The following WDR20 variants were observed in gnomAD, a reference collection of about 807,000 sequenced individuals.
The protein encoded by WDR20 is WD repeat-containing protein 20.
Under a neutral mutation model 38.7 loss-of-function variants are expected in WDR20, and 3 were observed. The ratio of observed to expected loss-of-function variants is 0.08; its 90% confidence interval spans 0.04 to 0.20. The LOEUF is 0.20. WDR20 is among the 10% of genes least tolerant of loss of function. WDR20 has a pLI of 1.00. For missense variants in WDR20, 559 were observed against 727.7 expected (o/e 0.77, Z 2.67); for synonymous variants, 298 against 285.6 (o/e 1.04, Z -0.44).
At chr14:102,141,838 T>C (rs936929739) in intron 1 of WDR20, among the ~76,000 whole-genome samples, 8 of 152,178 alleles carry the variant, frequency 5.3e-5, no homozygotes, top group Non-Finnish European at 1.0e-4. Context: ...TAAAAATTTA[T>C]ATTTATATAA....
chr14:102,200,467 T>TTTTTTTGTGTGTG (rs748066838), intron 2 of WDR20, among the ~76,000 whole-genome samples: 36 of 117,758 alleles, frequency 3.1e-4, no homozygotes, highest in African/African-American at 1.1e-3. Context: ...ATTTTTTTTT[T>TTTTTTTGTGTGTG]TGTGTGTGTG....
At chr14:102,195,731 C>T (rs1431482584) in intron 2 of WDR20, 1 of 152,336 alleles carries the variant, frequency 6.6e-6, no homozygotes, top group East Asian at 1.9e-4. Flanking sequence ...GATATCTGAG[C>T]TGTCTGTTCA....
chr14:102,223,018 G>T (rs1410493434), exon 4 of WDR20: 4 of 1,036,548 alleles, frequency 3.9e-6, no homozygotes, highest in Non-Finnish European at 4.4e-6. Flanking sequence ...CGTGTGGACG[G>T]TGACCGGCTC....
At chr14:102,172,008 CA>C (rs755172538) in intron 1 of WDR20, among the ~76,000 whole-genome samples, 1 of 150,554 alleles carries the variant, frequency 6.6e-6, no homozygotes, top group Non-Finnish European at 1.5e-5. Context: ...AGCAGATAAA[CA>C]AGTGAACAAA....
At chr14:102,139,665 A>T (rs1402470196), upstream of WDR20, 10 of 651,936 alleles carry the variant, frequency 1.5e-5, no homozygotes, top group Non-Finnish European at 2.6e-5. Context: ...GGAAGCAGCC[A>T]TGCCGCCCGG....
chr14:102,187,415 G>A (rs1286178302), intron 1 of WDR20, among the ~76,000 whole-genome samples: 1 of 152,046 alleles, frequency 6.6e-6, no homozygotes, highest in South Asian at 2.1e-4. Flanking sequence ...AGGCTGGGGG[G>A]GGGCTCAGGA....
intron 1 of WDR20, among the ~76,000 whole-genome samples, chr14:102,142,662 C>T (rs951441396): frequency 2.0e-5 from 3 of 151,838 alleles, no homozygotes; most frequent in African/African-American, 4.8e-5. Flanking sequence ...TGCCGTGTTG[C>T]CCAGGCTGGT....
intron 2 of WDR20, among the ~76,000 whole-genome samples, chr14:102,198,784 G>A (rs904866988): frequency 6.6e-6 from 1 of 152,296 alleles, no homozygotes; most frequent in East Asian, 1.9e-4. Context: ...AATTGGAAAG[G>A]TGTATTAATA....
chr14:102,156,340 T>G (rs1381192008), intron 1 of WDR20, among the ~76,000 whole-genome samples: 1 of 151,506 alleles, frequency 6.6e-6, no homozygotes, highest in South Asian at 2.1e-4. Context: ...GCTCATTTTT[T>G]TGTGTTTTTA....
In WDR20 at chr14:102,210,164, A is replaced by G. The variant is rs866081772; in HGVS notation, c.*284A>G. 4.5e-5 allele frequency: 49 copies of G among 1,098,600 alleles called. No homozygotes were observed. The highest frequency in any genetic ancestry group is 3.7e-4 in the Admixed American group (8 of 21,872). The allele number at this position is 1,098,600 out of a possible 1,614,324, so 68.1% of individuals were successfully genotyped here. On this transcript the variant is annotated 3_prime_UTR_variant, in exon 3 of 3. Transcript: ENST00000342702. Reference sequence around the variant, plus strand: ...AGCGCTCCTGTATTAGACTATTTCAATTTTAGGAAAATCATGACCATGTGG... The same window carrying G: ...AGCGCTCCTGTATTAGACTATTTCAGTTTTAGGAAAATCATGACCATGTGG...
At chr14:102,158,933 C>A (rs1389890975) in intron 1 of WDR20, among the ~76,000 whole-genome samples, 2 of 151,980 alleles carry the variant, frequency 1.3e-5, no homozygotes, top group Non-Finnish European at 2.9e-5. Flanking sequence ...CTCTTTCTGA[C>A]ACCCACTCAT....
At chr14:102,210,616 A>G, downstream of WDR20, 1 of 893,734 alleles carries the variant, frequency 1.1e-6, no homozygotes, top group Non-Finnish European at 1.3e-6. Flanking sequence ...CTGCGGGCCG[A>G]GGACGCCAAC....
At chr14:102,191,860 A>G (rs1390773908) in intron 1 of WDR20, among the ~76,000 whole-genome samples, 2 of 152,228 alleles carry the variant, frequency 1.3e-5, no homozygotes, top group African/African-American at 4.8e-5. Flanking sequence ...TAGTGTTGAC[A>G]GATCAACTTT....
chr14:102,152,242 G>A (rs1477862080), intron 1 of WDR20, among the ~76,000 whole-genome samples: 4 of 151,562 alleles, frequency 2.6e-5, no homozygotes, highest in Non-Finnish European at 5.9e-5. Flanking sequence ...TCTTCCTCTC[G>A]GATATAAAGA....
chr14:102,139,754 C>T, upstream of WDR20: 1 of 1,005,020 alleles, frequency 1.0e-6, no homozygotes, highest in Non-Finnish European at 1.4e-6. Context: ...GCAGTCGGGC[C>T]GTAAACAAGC....
At chr14:102,168,564 C>A (rs1190571) in intron 1 of WDR20, among the ~76,000 whole-genome samples, 100,320 of 152,014 alleles carry the variant, frequency 0.66, 36,437 homozygotes, top group East Asian at 0.92. Context: ...CTGCAGCTTC[C>A]CAGTTTGGTA....
At chr14:102,159,671 A>T (rs1006358234) in intron 1 of WDR20, among the ~76,000 whole-genome samples, 2 of 151,976 alleles carry the variant, frequency 1.3e-5, no homozygotes, top group Admixed American at 6.6e-5. Context: ...CTCTATTAAA[A>T]TTTTTTGAAA....
intron 1 of WDR20, among the ~76,000 whole-genome samples, chr14:102,153,488 A>G (rs957552145): frequency 1.6e-4 from 24 of 151,870 alleles, no homozygotes; most frequent in African/African-American, 5.3e-4. Flanking sequence ...TTGTATTTTT[A>G]GTAGAGATGG....
rs992588238 is a variant in WDR20, at chr14:102,207,330, C to T, written c.433-1273C>T. On this transcript the variant is annotated intron_variant, in intron 2 of 2. Transcript: ENST00000342702. The surrounding 1 kb of genome is among the most constrained non-coding windows in gnomAD (Gnocchi z 5.0). ...ATGGCTCATTAATTTCTTTCCCAGCCGTTCTTTTAAAAATCAAGTCGTCTT... is the reference window on the plus strand; with the variant it reads ...ATGGCTCATTAATTTCTTTCCCAGCTGTTCTTTTAAAAATCAAGTCGTCTT... Among the ~76,000 whole-genome samples, 2 of 152,220 alleles carry T rather than the reference C, an allele frequency of 1.3e-5. No individual in the cohort carries two copies. The highest frequency in any genetic ancestry group is 6.5e-5 in the Admixed American group (1 of 15,276).
Sources: gnomAD v4.1 joint callset for allele counts (sites outside exome capture counted in the v4.1 genomes callset) on GRCh38, gnomAD v4.1.1 for gene constraint, Gnocchi (gnomAD v3.1) non-coding constraint, MANE v1.5 for transcripts, NCBI Gene and HGNC (gene_info 2026-07-23, HGNC 2026-07-21) for gene names.